The following HDAC9 variants were observed in gnomAD, a reference collection of about 807,000 sequenced individuals.
HDAC9 encodes MEF-2 interacting transcription repressor (MITR) protein.
A neutral mutation model predicts 139.4 loss-of-function variants in HDAC9; 41 were observed. The observed-to-expected ratio is 0.29, with a 90% CI of 0.23 to 0.38. HDAC9 has a LOEUF of 0.38. Among genes scored for constraint, HDAC9 ranks in the 10% least tolerant of loss-of-function variants. The pLI, the probability that HDAC9 is intolerant of heterozygous loss-of-function variation, is 1.00. For synonymous variants in HDAC9, 517 were observed against 476.2 expected (o/e 1.09, Z -1.12); for missense variants, 1,147 against 1,297.0 (o/e 0.88, Z 1.78).
At chr7:18,462,515 C>T (rs1188614126) in intron 1 of HDAC9, among the ~76,000 whole-genome samples, 1 of 151,814 alleles carries the variant, frequency 6.6e-6, no homozygotes, top group Non-Finnish European at 1.5e-5. Flanking sequence ...GCAAGCAAGC[C>T]CCCAACCCCA....
At chr7:18,478,775 C>A (rs191806827) in intron 1 of HDAC9, among the ~76,000 whole-genome samples, 1 of 152,264 alleles carries the variant, frequency 6.6e-6, no homozygotes, top group African/African-American at 2.4e-5. Flanking sequence ...GTCCTTATTA[C>A]TCAGCATTCT....
chr7:18,311,929 G>C (rs1306000710), intron 1 of HDAC9, among the ~76,000 whole-genome samples: 2 of 152,152 alleles, frequency 1.3e-5, no homozygotes, highest in East Asian at 3.9e-4. Flanking sequence ...GGGGGAAATG[G>C]CTTTTGCCAC....
chr7:18,727,037 T>C (rs1376329801), intron 12 of HDAC9, among the ~76,000 whole-genome samples: 1 of 152,236 alleles, frequency 6.6e-6, no homozygotes, highest in Non-Finnish European at 1.5e-5. Flanking sequence ...GAAATATTCA[T>C]TTTCTTCTAT....
intron 18 of HDAC9, 41 bp from the exon 19 acceptor site, chr7:18,829,420 T>A (rs1562970255): frequency 7.1e-7 from 1 of 1,410,076 alleles, no homozygotes; most frequent in South Asian, 1.2e-5. Flanking sequence ...TTTTCCTGGA[T>A]GATTTGCTTT....
chr7:18,933,296 A>G (rs531364382), intron 22 of HDAC9, among the ~76,000 whole-genome samples: 1 of 152,104 alleles, frequency 6.6e-6, no homozygotes, highest in Admixed American at 6.5e-5. Flanking sequence ...GAACTAGAGG[A>G]CTCTGGGTCC....
intron 2 of HDAC9, among the ~76,000 whole-genome samples, chr7:18,534,658 A>G (rs1810264988): frequency 6.6e-6 from 1 of 152,128 alleles, no homozygotes; most frequent in African/African-American, 2.4e-5. Context: ...CCCAGCTTCT[A>G]CTTGAAGGCA....
chr7:18,664,374 T>C (rs1231888261), intron 11 of HDAC9, among the ~76,000 whole-genome samples: 1 of 152,188 alleles, frequency 6.6e-6, no homozygotes, highest in Admixed American at 6.5e-5. Context: ...CTTGATCTTG[T>C]CTGACTTACT....
At chr7:18,618,373 G>A (rs922891330) in intron 6 of HDAC9, among the ~76,000 whole-genome samples, 23 of 152,048 alleles carry the variant, frequency 1.5e-4, no homozygotes, top group African/African-American at 5.3e-4. Context: ...ACAAGATGAG[G>A]TTCATGCTGA....
chr7:18,868,608 C>T (rs1798669893), intron 21 of HDAC9, among the ~76,000 whole-genome samples: 1 of 152,158 alleles, frequency 6.6e-6, no homozygotes, highest in Non-Finnish European at 1.5e-5. Context: ...GTTCCTGGCT[C>T]ATAACTCCCA....
chr7:18,352,561 CAGA>C (rs1782930322), intron 1 of HDAC9, among the ~76,000 whole-genome samples: 1 of 152,202 alleles, frequency 6.6e-6, no homozygotes, highest in East Asian at 1.9e-4. Context: ...TTAAATTTTC[CAGA>C]AGTTCATTTC....
At chr7:18,974,011 T>C (rs1180903445) in intron 24 of HDAC9, among the ~76,000 whole-genome samples, 1 of 152,174 alleles carries the variant, frequency 6.6e-6, no homozygotes, top group Non-Finnish European at 1.5e-5. Flanking sequence ...TTCAAGAGTG[T>C]GTATTAATTA....
At chr7:18,204,396 T>G (rs1006306891) in intron 2 of HDAC9, among the ~76,000 whole-genome samples, 6 of 151,106 alleles carry the variant, frequency 4.0e-5, no homozygotes, top group Non-Finnish European at 7.4e-5. Context: ...TGTTATTAGG[T>G]TAAAGGCTTT....
At chr7:18,924,075 T>C (rs1175183090) in intron 22 of HDAC9, among the ~76,000 whole-genome samples, 1 of 151,676 alleles carries the variant, frequency 6.6e-6, no homozygotes, top group Non-Finnish European at 1.5e-5. Flanking sequence ...ATCTTGGCCA[T>C]GTTTGTACTG....
At chr7:18,596,685 G>A (rs1832602690) in intron 6 of HDAC9, among the ~76,000 whole-genome samples, 1 of 152,082 alleles carries the variant, frequency 6.6e-6, no homozygotes, top group Non-Finnish European at 1.5e-5. Context: ...CACCAGCCCA[G>A]CTACTGTAGA....
chr7:18,419,585 C>T (rs1263105801), intron 1 of HDAC9, among the ~76,000 whole-genome samples: 1 of 152,144 alleles, frequency 6.6e-6, no homozygotes, highest in Non-Finnish European at 1.5e-5. Context: ...CTATTCTATG[C>T]ACAATTTATT....
At chr7:18,885,067 T>A (rs1370967111) in intron 22 of HDAC9, among the ~76,000 whole-genome samples, 1 of 152,198 alleles carries the variant, frequency 6.6e-6, no homozygotes. Flanking sequence ...AAGCAATACG[T>A]TGGGAATTAC....
At chr7:18,132,381 G>T (rs917707433) in intron 1 of HDAC9, among the ~76,000 whole-genome samples, 4 of 152,120 alleles carry the variant, frequency 2.6e-5, no homozygotes, top group African/African-American at 7.2e-5. Flanking sequence ...AGTTGTGATT[G>T]AAGTCTTTTT....
chr7:18,113,887 G>T (rs866746299), intron 1 of HDAC9, among the ~76,000 whole-genome samples: 1 of 152,096 alleles, frequency 6.6e-6, no homozygotes, highest in Non-Finnish European at 1.5e-5. Context: ...TATTCATAGA[G>T]ATTGGTATTG....
At chr7:18,438,209 A>G (rs1001211909) in intron 1 of HDAC9, among the ~76,000 whole-genome samples, 3 of 152,056 alleles carry the variant, frequency 2.0e-5, no homozygotes, top group Non-Finnish European at 4.4e-5. Context: ...AGAAGAAATC[A>G]GATGGCCAAT....
Sources: gnomAD v4.1 joint callset for allele counts (sites outside exome capture counted in the v4.1 genomes callset) on GRCh38, gnomAD v4.1.1 for gene constraint, MANE v1.5 for transcripts, NCBI Gene and HGNC (gene_info 2026-07-23, HGNC 2026-07-21) for gene names.